The following SPIRE1 variants were observed in gnomAD, a reference collection of about 807,000 sequenced individuals.
SPIRE1 encodes protein spire homolog 1.
SPIRE1 carries 40 observed loss-of-function variants against 94.1 expected under a neutral mutation model. The ratio of observed to expected loss-of-function variants is 0.43; its 90% CI spans 0.33 to 0.55. SPIRE1 has a LOEUF of 0.55. Ranked by LOEUF, SPIRE1 falls within the 20% of genes least tolerant of loss-of-function variation. The pLI is 0.06. For missense variants in SPIRE1, 838 were observed against 975.2 expected, an observed-to-expected ratio of 0.86 and a Z score of 1.87; for synonymous variants, 376 against 371.7, an observed-to-expected ratio of 1.01 and a Z score of -0.13.
At chr18:12,639,130 T>A (rs867983267) in intron 1 of SPIRE1, among the ~76,000 whole-genome samples, 11 of 151,008 alleles carry the variant, frequency 7.3e-5, no homozygotes, top group Admixed American at 1.3e-4. Context: ...TCAAAAAAAA[T>A]TTTTTTTTTG....
chr18:12,478,505 TAG>T (rs1311141608), intron 10 of SPIRE1, among the ~76,000 whole-genome samples: 2 of 139,140 alleles, frequency 1.4e-5, no homozygotes, highest in African/African-American at 5.5e-5. Flanking sequence ...TGTATGAAGC[TAG>T]AGTGTGTGTG....
intron 10 of SPIRE1, among the ~76,000 whole-genome samples, chr18:12,478,759 C>T (rs1024878573): frequency 2.6e-5 from 4 of 151,978 alleles, no homozygotes; most frequent in African/African-American, 4.8e-5. Context: ...CAGGCAATGA[C>T]GTATACAATA....
chr18:12,488,872 G>A (rs994231451), intron 8 of SPIRE1, among the ~76,000 whole-genome samples: 27 of 152,214 alleles, frequency 1.8e-4, no homozygotes, highest in Admixed American at 1.5e-3. Context: ...AATTGATTAG[G>A]GATTTTGTGT....
At chr18:12,625,238 T>C (rs1055604621) in intron 2 of SPIRE1, among the ~76,000 whole-genome samples, 4 of 152,180 alleles carry the variant, frequency 2.6e-5, no homozygotes, top group African/African-American at 9.7e-5. Context: ...ACAGACACAA[T>C]TTCCTCTGAG....
chr18:12,658,670 G>A (rs1321196713), upstream of SPIRE1: 1 of 459,366 alleles, frequency 2.2e-6, no homozygotes, highest in African/African-American at 2.0e-5. Flanking sequence ...GCCGGGCCCT[G>A]GGCCCTGAAA....
intron 10 of SPIRE1, among the ~76,000 whole-genome samples, chr18:12,469,689 TA>T (rs1228413053): frequency 7.0e-6 from 1 of 143,818 alleles, no homozygotes; most frequent in Non-Finnish European, 1.5e-5. Flanking sequence ...ATAACATATA[TA>T]ATTTGTATAA....
chr18:12,623,555 G>A (rs1417139114), intron 2 of SPIRE1, among the ~76,000 whole-genome samples: 1 of 152,158 alleles, frequency 6.6e-6, no homozygotes, highest in Non-Finnish European at 1.5e-5. Flanking sequence ...TGCATTATGT[G>A]TGCTGAAAAA....
chr18:12,454,632 G>A (rs2031421734), intron 12 of SPIRE1, 149 bp from the exon 13 acceptor site: 1 of 661,748 alleles, frequency 1.5e-6, no homozygotes, highest in Admixed American at 2.5e-5. Flanking sequence ...GCTCCCTCTG[G>A]GGACCACATC....
chr18:12,592,803 G>C (rs553909692), intron 2 of SPIRE1, among the ~76,000 whole-genome samples: 5 of 152,344 alleles, frequency 3.3e-5, no homozygotes, highest in African/African-American at 1.2e-4. Context: ...ATGTCACTTA[G>C]TGACAATATA....
chr18:12,652,027 T>A (rs1273239241), intron 1 of SPIRE1, among the ~76,000 whole-genome samples: 1 of 152,168 alleles, frequency 6.6e-6, no homozygotes, highest in African/African-American at 2.4e-5. Context: ...CATCAAAAAT[T>A]TTGAAACCAA....
chr18:12,542,688 G>C (rs989205774), intron 3 of SPIRE1, among the ~76,000 whole-genome samples: 3 of 152,074 alleles, frequency 2.0e-5, no homozygotes, highest in Non-Finnish European at 4.4e-5. Flanking sequence ...ATAAATTAGT[G>C]CTTTAACCTC....
intron 2 of SPIRE1, among the ~76,000 whole-genome samples, chr18:12,630,340 G>C (rs755088129): frequency 1.3e-5 from 2 of 152,110 alleles, no homozygotes; most frequent in Non-Finnish European, 2.9e-5. Flanking sequence ...CACGTATAAA[G>C]CTAGGCTTGA....
chr18:12,591,760 G>C (rs140087540), intron 2 of SPIRE1, among the ~76,000 whole-genome samples: 1 of 151,966 alleles, frequency 6.6e-6, no homozygotes, highest in Non-Finnish European at 1.5e-5. Flanking sequence ...GGCAGATCAC[G>C]AGGTCAGGAC....
intron 2 of SPIRE1, among the ~76,000 whole-genome samples, chr18:12,569,205 T>C (rs1418671253): frequency 6.6e-6 from 1 of 152,000 alleles, no homozygotes; most frequent in Non-Finnish European, 1.5e-5. Context: ...TAGCCAGGCA[T>C]GGTGGCAGGC....
At chr18:12,630,987 T>C (rs372245233) in intron 2 of SPIRE1, among the ~76,000 whole-genome samples, 2 of 152,266 alleles carry the variant, frequency 1.3e-5, no homozygotes. Flanking sequence ...ATAACCTCAG[T>C]CTCAGAAATG....
intron 9 of SPIRE1, among the ~76,000 whole-genome samples, chr18:12,482,246 G>A (rs763539686): frequency 7.0e-4 from 106 of 152,232 alleles, no homozygotes; most frequent in Non-Finnish European, 1.1e-3. Context: ...GGGTTCAAGC[G>A]ATTCTCCTGC....
rs1265846619 is a variant in SPIRE1 at position 12,555,306 on chromosome 18, A to C, written c.373-8402T>G. Among the ~76,000 whole-genome samples the C allele has an allele frequency of 3.3e-5, 3 of 90,070 alleles. No homozygotes were observed. The Admixed American group carries it at 4.0e-4, about 12-fold the overall frequency. The allele number at this position is 90,070 out of a possible 152,430, so 59.1% of individuals were successfully genotyped here. A position where few individuals can be genotyped will look rare whatever the true frequency, so the allele number is the denominator to read the frequency against. On this transcript the variant is annotated intron_variant, in intron 2 of 16. Transcript: ENST00000409402. The stretch of plus-strand genomic sequence containing the variant: ...AACCAGAACCAGACAAAGACTTATC[A>C]AAAAAAAAAAAAATTTTTTTTTGGA...
At chr18:12,620,034 C>G (rs893910319) in intron 2 of SPIRE1, among the ~76,000 whole-genome samples, 1 of 151,958 alleles carries the variant, frequency 6.6e-6, no homozygotes, top group African/African-American at 2.4e-5. Context: ...CAAAAATCAG[C>G]TGAGTGCAGT....
chr18:12,636,063 T>C (rs1257749880), intron 1 of SPIRE1, among the ~76,000 whole-genome samples: 1 of 152,094 alleles, frequency 6.6e-6, no homozygotes, highest in Non-Finnish European at 1.5e-5. Context: ...CAGCTAATTT[T>C]TGTATTTTTA....
Sources: allele counts gnomAD v4.1 joint callset (sites outside exome capture counted in the v4.1 genomes callset), GRCh38; gene constraint gnomAD v4.1.1; transcripts MANE v1.5; gene names NCBI Gene and HGNC (gene_info 2026-07-23, HGNC 2026-07-21).